Variants in LAMC1 observed in about 807,000 individuals in gnomAD.
LAMC1 encodes the protein laminin subunit gamma 1.
Under a neutral mutation model 173.6 loss-of-function variants are expected in LAMC1, and 38 were observed. The ratio of observed to expected loss-of-function variants is 0.22; its 90% confidence interval spans 0.17 to 0.29. LAMC1 has a LOEUF of 0.29. Ranked by LOEUF, LAMC1 falls within the 10% of genes least tolerant of loss-of-function variation. The pLI is 1.00. For missense variants in LAMC1, 1,824 were observed against 2,051.8 expected (o/e 0.89, Z 2.14); for synonymous variants, 746 against 749.1 (o/e 1.00, Z 0.07).
At chr1:183,026,561 T>C (rs1571395313) in intron 1 of LAMC1, among the ~76,000 whole-genome samples, 2 of 152,358 alleles carry the variant, frequency 1.3e-5, no homozygotes, top group East Asian at 3.9e-4. Flanking sequence ...AGCTAACTAA[T>C]TATTTCCCAT....
At chr1:183,035,705 G>T (rs1653962536) in intron 1 of LAMC1, among the ~76,000 whole-genome samples, 1 of 152,120 alleles carries the variant, frequency 6.6e-6, no homozygotes, top group Non-Finnish European at 1.5e-5. Context: ...GAAAAGTTAG[G>T]CCCTGGAGAC....
In LAMC1 at chr1:183,023,936, G is replaced by C. The variant is rs140378959; in HGVS notation, c.220G>C (p.Glu74Gln). Residue 74 changes from glutamate to glutamine, a missense_variant, in exon 1 of 28, where the codon GAG becomes CAG. Physicochemically the swap from Glu to Gln is conservative, Grantham distance 29 (BLOSUM62 2). Coordinates refer to ENST00000258341, the MANE Select transcript of LAMC1 (RefSeq NM_002293.4). ...VATNTCGTPP[E>Q]EYCVQTGVTG... is the part of the protein sequence containing the mutation. ...CACCAACACGTGTGGGACTCCGCCC[G>C]AGGAATACTGTGTGCAGACCGGGGT... 1 of 1,613,274 alleles carries C rather than the reference G, an allele frequency of 6.2e-7. No homozygotes were observed.
At position 183,143,951 on chromosome 1, in the gene LAMC1, A is replaced by C. The variant is rs1232389060; in HGVS notation, c.*1161A>C. 6.6e-6 allele frequency: 1 copy of C among 152,130 alleles called. No individual in the cohort carries two copies. The highest frequency in any genetic ancestry group is 1.5e-5 in the Non-Finnish European group (1 of 68,028). The allele number at this position is 152,130 out of a possible 1,614,324, so 9.4% of individuals were successfully genotyped here. The stretch of plus-strand genomic sequence containing the variant: ...CCAAATCCTGGTGGCAAATACTTGC[A>C]CTCAGTATTTCACACAGCTGCCAAC... On this transcript the variant is annotated 3_prime_UTR_variant, in exon 28 of 28. Coordinates refer to ENST00000258341, the MANE Select transcript of LAMC1 (RefSeq NM_002293.4).
rs766860051 is a variant in LAMC1, at chr1:183,122,128, G to A, written c.2278G>A (p.Gly760Arg). 9 of 1,614,166 alleles carry A rather than the reference G, an allele frequency of 5.6e-6. No homozygotes were observed. Among genetic ancestry groups the A allele is most frequent in the Non-Finnish European group, 5.9e-6 (7 of 1,180,016 alleles). Residue 760 changes from glycine (G) to arginine (R), a missense_variant, in exon 13 of 28, where the codon GGA becomes AGA. Coordinates refer to ENST00000258341, the MANE Select transcript of LAMC1 (RefSeq NM_002293.4). ...TGAGAAGTGCAGTGATGGGTACTAT[G>A]GAGATTCAACTGCAGGCACCTCCTC... ...HCEKCSDGYY[G>R]DSTAGTSSDC...
Position 183,103,441 on chromosome 1 carries a change from T to A in LAMC1, c.532T>A (p.Tyr178Asn). Residue 178 changes from tyrosine (Y) to asparagine (N), a missense_variant, in exon 2 of 28, where the codon TAC (tyrosine) becomes AAC (asparagine). By Grantham distance (143) the Tyr-to-Asn change is moderately radical. Transcript: ENST00000258341. The stretch of plus-strand genomic sequence containing the variant: ...CGGGCCCTGGATTCCTTACCAGTAC[T>A]ACAGTGGTTCCTGTGAGAACACCTA... ...EDGPWIPYQY[Y>N]SGSCENTYSK... 6.2e-7 allele frequency: 1 copy of A among 1,614,164 alleles called. No individual in the cohort carries two copies. Among genetic ancestry groups the A allele is most frequent in the Non-Finnish European group, 8.5e-7 (1 of 1,180,024 alleles).
At chr1:183,127,013 C>T (rs958741746) in intron 16 of LAMC1, among the ~76,000 whole-genome samples, 2 of 152,094 alleles carry the variant, frequency 1.3e-5, no homozygotes, top group Non-Finnish European at 2.9e-5. Flanking sequence ...AAAGGTTGCA[C>T]GTTTTACTTT....
chr1:183,028,747 C>T (rs868122736), intron 1 of LAMC1, among the ~76,000 whole-genome samples: 46 of 152,322 alleles, frequency 3.0e-4, no homozygotes, highest in Middle Eastern at 3.4e-3. Context: ...CTGCATACTT[C>T]TTTTTATTTA....
intron 1 of LAMC1, among the ~76,000 whole-genome samples, chr1:183,088,761 T>G (rs1420693927): frequency 1.3e-5 from 2 of 152,196 alleles, no homozygotes; most frequent in East Asian, 1.9e-4. Context: ...TGGTGGAACT[T>G]GAACCAAATC....
At chr1:183,075,179 G>A (rs1224700556) in intron 1 of LAMC1, among the ~76,000 whole-genome samples, 1 of 149,746 alleles carries the variant, frequency 6.7e-6, no homozygotes, top group Non-Finnish European at 1.5e-5. Context: ...AGGCTGGAGT[G>A]TAGTAGTGTG....
In LAMC1 at chr1:183,136,542, A is replaced by G; in HGVS notation, c.4271A>G (p.Asn1424Ser). The G allele has an allele frequency of 6.2e-7, 1 of 1,613,744 alleles. No homozygotes were observed. The highest frequency in any genetic ancestry group is 8.5e-7 in the Non-Finnish European group (1 of 1,179,790). ...GCGGCGGATGCCACAGAGGCCAAGA[A>G]CAAGGCCCATGAGGCGGAGAGGATC... ...SAAADATEAK[N>S]KAHEAERIAS... Residue 1424 changes from asparagine to serine, a missense_variant, in exon 25 of 28, where the codon AAC (asparagine) becomes AGC (serine). Transcript: ENST00000258341.
Position 183,023,433 on chromosome 1 carries a change from C to CG in LAMC1, c.-283dup. The CG allele has an allele frequency of 5.8e-6, 1 of 173,728 alleles. No individual in the cohort carries two copies. Among genetic ancestry groups the CG allele is most frequent in the Admixed American group, 6.3e-5 (1 of 15,864 alleles). The allele number at this position is 173,728 out of a possible 1,614,324, so 10.8% of individuals were successfully genotyped here. ...CCCCGGGGGCGCGCACTCGGGCACG[C>CG]GCTCGGAAGTCGGGGGTCGGCGCGG... On this transcript the variant is annotated 5_prime_UTR_variant, in exon 1 of 28. Transcript: ENST00000258341.
intron 1 of LAMC1, among the ~76,000 whole-genome samples, chr1:183,057,375 T>A (rs1205959354): frequency 6.6e-6 from 1 of 152,240 alleles, no homozygotes; most frequent in Non-Finnish European, 1.5e-5. Flanking sequence ...TAAGCAGATT[T>A]CATGAGGCAG....
At chr1:183,077,795 T>TATATATATATATATATATATATAC (rs1458377650) in intron 1 of LAMC1, among the ~76,000 whole-genome samples, 1 of 147,230 alleles carries the variant, frequency 6.8e-6, no homozygotes, top group Non-Finnish European at 1.5e-5. Context: ...TATATATATA[T>TATATATATATATATATATATATAC]ACAGTAGCAC....
At chr1:183,042,464 G>C (rs1156866839) in intron 1 of LAMC1, among the ~76,000 whole-genome samples, 1 of 152,158 alleles carries the variant, frequency 6.6e-6, no homozygotes, top group African/African-American at 2.4e-5. Flanking sequence ...CTTGTGCCTG[G>C]CCACAGATCT....
chr1:183,036,096 CTT>C (rs35129932), intron 1 of LAMC1, among the ~76,000 whole-genome samples: 17,730 of 137,254 alleles, frequency 0.13, 1,202 homozygotes, highest in East Asian at 0.22. Context: ...TGAATGAATT[CTT>C]TTTTTTTTTT....
chr1:183,140,036 A>T (rs1058177), intron 26 of LAMC1, among the ~76,000 whole-genome samples: 1 of 151,976 alleles, frequency 6.6e-6, no homozygotes, highest in East Asian at 1.9e-4. Context: ...TTCTATAATC[A>T]TCCTTAAAAA....
chr1:183,122,261 C>G lies in LAMC1; in HGVS notation c.2401+10C>G. ...CCTACTGGCACCACTGGTAAGTCTG[C>G]TCGCTTCATCTGCTTTCAGTGTTCC... On this transcript the variant is annotated intron_variant, in intron 13 of 27. Transcript: ENST00000258341. 6.2e-7 allele frequency: 1 copy of G among 1,612,398 alleles called. No individual in the cohort carries two copies. Among genetic ancestry groups the G allele is most frequent in the Non-Finnish European group, 8.5e-7 (1 of 1,178,824 alleles).
intron 1 of LAMC1, among the ~76,000 whole-genome samples, chr1:183,064,319 C>G (rs753098049): frequency 1.3e-5 from 2 of 152,128 alleles, no homozygotes; most frequent in Non-Finnish European, 2.9e-5. Flanking sequence ...TACTACATAC[C>G]TAGGCCATAC....
rs933391316 is a variant in LAMC1 at position 183,023,727 on chromosome 1, G to A, written c.11G>A (p.Ser4Asn). Reference protein sequence around the residue: MRGSHRAAPALRPR... With the variant: MRGNHRAAPALRPR... ...CGTGCGGGCGGCGGGATGAGAGGGA[G>A]CCATCGGGCCGCGCCGGCCCTGCGG... The change falls in exon 1 of 28, where the codon AGC becomes AAC. Residue 4 changes from serine (S) to asparagine (N), a missense_variant. Coordinates refer to ENST00000258341, the MANE Select transcript of LAMC1 (RefSeq NM_002293.4). 2 of 1,188,208 alleles carry A rather than the reference G, an allele frequency of 1.7e-6. No homozygotes were observed. Among genetic ancestry groups the A allele is most frequent in the East Asian group, 7.8e-5 (2 of 25,756 alleles). 73.6% of individuals were successfully genotyped at this position (1,188,208 alleles called of 1,614,324 possible).
Sources: gnomAD v4.1 joint callset for allele counts (sites outside exome capture counted in the v4.1 genomes callset) on GRCh38, gnomAD v4.1.1 for gene constraint, MANE v1.5 for transcripts, NCBI Gene and HGNC (gene_info 2026-07-23, HGNC 2026-07-21) for gene names.